The following CAST variants were observed in gnomAD, a reference collection of about 807,000 sequenced individuals.
CAST encodes the protein MIR583 host.
A neutral mutation model predicts 119.6 loss-of-function variants in CAST; 76 were observed. That is an observed-to-expected ratio of 0.64 (90% CI 0.53 to 0.77). CAST has a LOEUF of 0.77. CAST is among the 30% of genes least tolerant of loss of function. The pLI, the probability that CAST is intolerant of heterozygous loss-of-function variation, is 0.00. For missense variants in CAST, 953 were observed against 946.5 expected, an observed-to-expected ratio of 1.01 and a Z score of -0.09; for synonymous variants, 319 against 331.6, an observed-to-expected ratio of 0.96 and a Z score of 0.41.
At chr5:96,134,656 G>C in the CAST span, among the ~76,000 whole-genome samples, 2 of 152,234 alleles carry the variant, frequency 1.3e-5, no homozygotes, top group Non-Finnish European at 2.9e-5. Context: ...CATAGGAAGA[G>C]AGAGGTGGCA....
At chr5:96,518,491 T>C in the CAST span, among the ~76,000 whole-genome samples, 4 of 152,230 alleles carry the variant, frequency 2.6e-5, no homozygotes, top group African/African-American at 9.6e-5. Context: ...AGCTTTCAGA[T>C]GAATTGACTC....
chr5:96,333,645 G>T, the CAST span, among the ~76,000 whole-genome samples: 1 of 152,140 alleles, frequency 6.6e-6, no homozygotes, highest in African/African-American at 2.4e-5. Context: ...TAGGGAACTG[G>T]ACTGCTCAAG....
the CAST span, among the ~76,000 whole-genome samples, chr5:96,309,238 C>T: frequency 6.6e-6 from 1 of 152,234 alleles, no homozygotes; most frequent in Admixed American, 6.5e-5. Flanking sequence ...TTCTTGGCGG[C>T]TTTGTTTACA....
chr5:96,679,111 C>T (rs1439746089), intron 2 of CAST, among the ~76,000 whole-genome samples: 1 of 151,960 alleles, frequency 6.6e-6, no homozygotes, highest in African/African-American at 2.4e-5. Flanking sequence ...GTAATCTTCC[C>T]ACCTCCCAAA....
At chr5:95,961,498 C>G in the CAST span, 3 of 1,365,228 alleles carry the variant, frequency 2.2e-6, no homozygotes, top group Non-Finnish European at 2.8e-6. Context: ...CTCCGCCGGC[C>G]CCGCACCCGG....
the CAST span, among the ~76,000 whole-genome samples, chr5:96,236,002 T>C: frequency 6.6e-6 from 1 of 152,230 alleles, no homozygotes; most frequent in African/African-American, 2.4e-5. Flanking sequence ...GTTCTTCTTG[T>C]AATTTCTTTT....
the CAST span, among the ~76,000 whole-genome samples, chr5:96,055,135 T>C: frequency 0.061 from 9,227 of 152,052 alleles, 573 homozygotes; most frequent in African/African-American, 0.14. Context: ...GCCAGAATCC[T>C]CCCTTTCTTC....
At chr5:96,044,137 G>A in the CAST span, among the ~76,000 whole-genome samples, 1 of 152,234 alleles carries the variant, frequency 6.6e-6, no homozygotes, top group Non-Finnish European at 1.5e-5. Flanking sequence ...CCATGCTGCT[G>A]TTAGGAGTGA....
At position 96,662,768 on chromosome 5, in the gene CAST, G is replaced by A. The variant is rs73774357; in HGVS notation, c.75+271G>A. On this transcript the variant is annotated intron_variant, in intron 1 of 31. Transcript: ENST00000675179. The stretch of plus-strand genomic sequence containing the variant: ...CAAGAAAAGTTGGCTGGTAAGACGT[G>A]GGTGAATGAGGATGAGGATGAACGG... Among the ~76,000 whole-genome samples the A allele has an allele frequency of 0.032, 4,799 of 152,288 alleles. 260 individuals are homozygous for A. The highest frequency in any genetic ancestry group is 0.11 in the African/African-American group (4,547 of 41,536).
chr5:96,208,076 G>A, the CAST span, among the ~76,000 whole-genome samples: 1 of 148,070 alleles, frequency 6.8e-6, no homozygotes, highest in Non-Finnish European at 1.5e-5. Flanking sequence ...TCTAGTTTGT[G>A]TGCAGGTTTT....
the CAST span, among the ~76,000 whole-genome samples, chr5:96,464,820 T>C: frequency 5.3e-5 from 8 of 152,062 alleles, no homozygotes; most frequent in African/African-American, 1.9e-4. Context: ...TGGCTACAGA[T>C]TTGTAATGGC....
At chr5:96,646,810 A>G (rs6862521) in intron 1 of CAST, among the ~76,000 whole-genome samples, 54,112 of 152,074 alleles carry the variant, frequency 0.36, 9,724 homozygotes, top group African/African-American at 0.38. Flanking sequence ...AATCAAGTGC[A>G]TGTATAATGT....
At chr5:96,199,067 A>G in the CAST span, among the ~76,000 whole-genome samples, 1 of 152,200 alleles carries the variant, frequency 6.6e-6, no homozygotes, top group African/African-American at 2.4e-5. Context: ...TCTCTTTGAT[A>G]AAAACCCTTT....
At chr5:96,702,194 T>A (rs1013703137) in intron 3 of CAST, among the ~76,000 whole-genome samples, 1 of 152,164 alleles carries the variant, frequency 6.6e-6, no homozygotes, top group African/African-American at 2.4e-5. Context: ...TAAAATTTTT[T>A]ATAATTATTT....
At chr5:96,743,289 C>T (rs770573266) in intron 16 of CAST, among the ~76,000 whole-genome samples, 6 of 152,298 alleles carry the variant, frequency 3.9e-5, no homozygotes, top group South Asian at 2.1e-4. Flanking sequence ...TCTTAACAAG[C>T]CTTCTGAACC....
intron 1 of CAST, among the ~76,000 whole-genome samples, chr5:96,640,285 G>A (rs1490583449): frequency 6.6e-6 from 1 of 152,122 alleles, no homozygotes; most frequent in Non-Finnish European, 1.5e-5. Flanking sequence ...TGAGGCCAGG[G>A]GAGGAAAAAC....
the CAST span, among the ~76,000 whole-genome samples, chr5:96,473,005 A>G: frequency 6.6e-6 from 1 of 152,164 alleles, no homozygotes. Flanking sequence ...CTGCTCCCAT[A>G]GCCACATGGC....
the CAST span, among the ~76,000 whole-genome samples, chr5:96,245,658 G>T: frequency 1.3e-5 from 2 of 151,748 alleles, no homozygotes; most frequent in African/African-American, 4.8e-5. Context: ...GTAGACACTG[G>T]CAGGCTGAAA....
the CAST span, chr5:96,426,052 C>T: frequency 1.4e-6 from 1 of 701,458 alleles, no homozygotes; most frequent in South Asian, 1.5e-5. Context: ...TTTCATTTGA[C>T]TACAGATTAA....
Sources: gnomAD v4.1 joint callset for allele counts (sites outside exome capture counted in the v4.1 genomes callset) on GRCh38, gnomAD v4.1.1 for gene constraint, MANE v1.5 for transcripts, NCBI Gene and HGNC (gene_info 2026-07-23, HGNC 2026-07-21) for gene names.